SPTB: variants seen among roughly 807,000 people sequenced by gnomAD.
SPTB encodes spectrin beta, erythrocytic.
In SPTB, 45 loss-of-function variants were observed where a neutral mutation model predicts 256.2. That is an observed-to-expected ratio of 0.18 (90% CI 0.14 to 0.23). The LOEUF is 0.23. Among genes scored for constraint, SPTB ranks in the 10% least tolerant of loss-of-function variants. The pLI, the probability that SPTB is intolerant of heterozygous loss-of-function variation, is 1.00. For missense variants in SPTB, 2,715 were observed against 3,040.4 expected (o/e 0.89, Z 2.52); for synonymous variants, 1,231 against 1,243.1 (o/e 0.99, Z 0.21).
chr14:64,816,110 C>A lies in SPTB; in HGVS notation c.148+6837G>T, dbSNP rs1024532279. Among the ~76,000 whole-genome samples the A allele has an allele frequency of 6.6e-6, 1 of 152,124 alleles. No homozygotes were observed. Among genetic ancestry groups the A allele is most frequent in the African/African-American group, 2.4e-5 (1 of 41,410 alleles). On this transcript the variant is annotated intron_variant, in intron 2 of 35. Transcript: ENST00000644917. The surrounding 1 kb of genome is among the most constrained non-coding windows in gnomAD (Gnocchi z 4.2). ...CGAGCCCTAAAAACCCAAATCTAAC[C>A]GTGTCATTTCCCTGCTGAAAGTACT...
In SPTB at chr14:64,779,773, T is replaced by C. The variant is rs1331309935; in HGVS notation, c.4425A>G (p.Glu1475=). 6.2e-7 allele frequency: 1 copy of C among 1,614,144 alleles called. No homozygotes were observed. The change falls in exon 21 of 36, where the codon GAA becomes GAG. Residue 1475 remains glutamate, a synonymous_variant. Coordinates refer to ENST00000644917, the MANE Select transcript of SPTB (RefSeq NM_001355436.2). This position sits in a 1 kb window ranked among gnomAD's most constrained non-coding sequence, Gnocchi z 4.2. ...TGATCTGCAGCTTGGCTCTGGATGA[T>C]TCCAGCTGCTTCTTCCTCCTTCCTA... ...EPLGRRKKQL[E]SSRAKLQISR...
intron 1 of SPTB, among the ~76,000 whole-genome samples, chr14:64,832,395 C>T (rs183784326): frequency 6.6e-4 from 100 of 152,308 alleles, no homozygotes; most frequent in East Asian, 3.3e-3. Flanking sequence ...AACTTTGTGG[C>T]CCTTCCTCCT....
chr14:64,749,736 G>A lies in SPTB; in HGVS notation c.6777-40C>T, dbSNP rs1386790389. 1.2e-6 allele frequency: 2 copies of A among 1,608,014 alleles called. No individual in the cohort carries two copies. Among genetic ancestry groups the A allele is most frequent in the Admixed American group, 1.7e-5 (1 of 59,174 alleles). ...GGTTTCCTGTCATGGAGACACCTCTGGAGGGGGCGCTGGGCAGAGGGCTGG... is the reference window on the plus strand; with the variant it reads ...GGTTTCCTGTCATGGAGACACCTCTAGAGGGGGCGCTGGGCAGAGGGCTGG... On this transcript the variant is annotated intron_variant, in intron 34 of 35. Transcript: ENST00000644917. The surrounding 1 kb of genome is among the most constrained non-coding windows in gnomAD (Gnocchi z 4.7).
chr14:64,854,511 C>T (rs1040351428), intron 1 of SPTB, among the ~76,000 whole-genome samples: 31 of 151,976 alleles, frequency 2.0e-4, no homozygotes, highest in Admixed American at 6.5e-4. Context: ...ATCTCCTGAC[C>T]TCATGATCCG....
In SPTB at chr14:64,774,370, C is replaced by A. The variant is rs772370094; in HGVS notation, c.4973+27G>T. On this transcript the variant is annotated intron_variant, in intron 24 of 35. Transcript: ENST00000644917. ...CCCTGGCTCAATCCCCATCTCCTGA[C>A]CGAGTCACCACAGGGGGCGCACGCA... The A allele has an allele frequency of 1.3e-6, 2 of 1,578,022 alleles. 1 individual carries two copies. The highest frequency in any genetic ancestry group is 2.3e-5 in the South Asian group (2 of 86,792).
chr14:64,784,485 G>A (rs2082527852), intron 18 of SPTB, 92 bp from the exon 19 acceptor site: 7 of 1,524,412 alleles, frequency 4.6e-6, no homozygotes, highest in Non-Finnish European at 5.4e-6. Flanking sequence ...GAAGGAGAAG[G>A]CCATGGGGAG....
At chr14:64,810,271 G>A (rs1002432515) in intron 2 of SPTB, among the ~76,000 whole-genome samples, 4 of 152,150 alleles carry the variant, frequency 2.6e-5, no homozygotes, top group African/African-American at 9.7e-5. Flanking sequence ...TCAATAAGGA[G>A]TATTGGCAAA....
rs1216827531 is a variant in SPTB, at chr14:64,746,471, T to TCCAAGCCA, written c.*2827_*2834dup. 1.3e-5 allele frequency: 2 copies of TCCAAGCCA among 152,716 alleles called. No homozygotes were observed. Among genetic ancestry groups the TCCAAGCCA allele is most frequent in the Non-Finnish European group, 2.9e-5 (2 of 68,136 alleles). The allele number at this position is 152,716 out of a possible 1,614,324, so 9.5% of individuals were successfully genotyped here. On this transcript the variant is annotated 3_prime_UTR_variant, in exon 36 of 36. Coordinates refer to ENST00000644917, the MANE Select transcript of SPTB (RefSeq NM_001355436.2). This position sits in a 1 kb window ranked among gnomAD's most constrained non-coding sequence, Gnocchi z 4.9. ...CTCATTTCCTCCCTGAGCTTGTTTGTCCAAGCCACCAAGCCATGTGGTCCC... is the reference window on the plus strand; with the variant it reads ...CTCATTTCCTCCCTGAGCTTGTTTGTCCAAGCCACCAAGCCACCAAGCCATGTGGTCCC...
chr14:64,837,758 G>A (rs1566795360), intron 1 of SPTB, among the ~76,000 whole-genome samples: 1 of 152,010 alleles, frequency 6.6e-6, no homozygotes. Flanking sequence ...CTGTCACCAC[G>A]CCCGGCTAAT....
chr14:64,795,301 C>T lies in SPTB; in HGVS notation c.1644+36G>A. ...GGGCCACTGAGACCCAAGGTGAGCACTGCAGGGCATGGCGGGGGCGGCCCC... is the reference window on the plus strand; with the variant it reads ...GGGCCACTGAGACCCAAGGTGAGCATTGCAGGGCATGGCGGGGGCGGCCCC... On this transcript the variant is annotated intron_variant, in intron 12 of 35. Coordinates refer to ENST00000644917, the MANE Select transcript of SPTB (RefSeq NM_001355436.2). This position sits in a 1 kb window ranked among gnomAD's most constrained non-coding sequence, Gnocchi z 6.5. The T allele has an allele frequency of 3.1e-6, 5 of 1,603,402 alleles. No individual in the cohort carries two copies. In the South Asian group the frequency reaches 3.3e-5, roughly 11 times the overall value.
chr14:64,765,570 G>A (rs1201700150), intron 32 of SPTB, among the ~76,000 whole-genome samples: 2 of 152,158 alleles, frequency 1.3e-5, no homozygotes, highest in Non-Finnish European at 2.9e-5. Flanking sequence ...GCTGACCTCT[G>A]TTACTCAAAG....
intron 22 of SPTB, among the ~76,000 whole-genome samples, chr14:64,776,120 G>A (rs2082352353): frequency 6.6e-6 from 1 of 152,104 alleles, no homozygotes; most frequent in African/African-American, 2.4e-5. Context: ...GCTGCTGCTG[G>A]TGTGTGGGCT....
chr14:64,778,423 G>A lies in SPTB; in HGVS notation c.4563+734C>T, dbSNP rs1311893536. ...TGACCCAGAGAGCATGCAGAGGGAG[G>A]GTCTCTCTGTCCAAGAAGGGTCTGT... is the stretch of plus-strand genomic sequence containing the variant. On this transcript the variant is annotated intron_variant, in intron 22 of 35. Transcript: ENST00000644917. This position sits in a 1 kb window ranked among gnomAD's most constrained non-coding sequence, Gnocchi z 5.2. 6.6e-6 allele frequency among the ~76,000 whole-genome samples: 1 copy of A among 152,108 alleles called. No homozygotes were observed. The highest frequency in any genetic ancestry group is 6.5e-5 in the Admixed American group (1 of 15,274).
rs1466520411 is a variant in SPTB, at chr14:64,825,051, A to T, written c.-51-1906T>A. On this transcript the variant is annotated intron_variant, in intron 1 of 35. Coordinates refer to ENST00000644917, the MANE Select transcript of SPTB (RefSeq NM_001355436.2). The surrounding 1 kb of genome is among the most constrained non-coding windows in gnomAD (Gnocchi z 4.8). ...TATCCCCCTTGACCAGACGGGTTTC[A>T]GGAGGGCAGGTGGGGAAAGGACTGG... Among the ~76,000 whole-genome samples the T allele has an allele frequency of 6.6e-6, 1 of 152,034 alleles. No individual in the cohort carries two copies. Among genetic ancestry groups the T allele is most frequent in the Non-Finnish European group, 1.5e-5 (1 of 68,004 alleles).
Position 64,866,617 on chromosome 14 carries a change from T to C in SPTB, c.-52+13175A>G, listed in dbSNP as rs1237178250. Among the ~76,000 whole-genome samples, 5 of 151,976 alleles carry C rather than the reference T, an allele frequency of 3.3e-5. No homozygotes were observed. The highest frequency in any genetic ancestry group is 7.4e-5 in the Non-Finnish European group (5 of 68,010). Reference sequence around the variant, plus strand: ...GCGGCTGGATTGCAGTGGGAGTGCATCCATGACAGAGAGTTTTGTTGAAAG... The same window carrying C: ...GCGGCTGGATTGCAGTGGGAGTGCACCCATGACAGAGAGTTTTGTTGAAAG... On this transcript the variant is annotated intron_variant, in intron 1 of 35. Coordinates refer to ENST00000644917, the MANE Select transcript of SPTB (RefSeq NM_001355436.2). This position sits in a 1 kb window ranked among gnomAD's most constrained non-coding sequence, Gnocchi z 4.6.
Position 64,774,510 on chromosome 14 carries a change from A to G in SPTB, c.4860T>C (p.Ile1620=), listed in dbSNP as rs229592. ...GCCGCAAATGTCGCTTCAGCATCAC[A>G]ATGGCGCCCTCTTCATCCTAGGAGG... ...DEIPKDEEGA[I]VMLKRHLRQQ... The change falls in exon 24 of 36, where the codon ATT becomes ATC. Residue 1620 remains isoleucine (I), a synonymous_variant. Transcript: ENST00000644917. 0.28 allele frequency: 440,486 copies of G among 1,553,578 alleles called. 73,904 individuals carry two copies. The highest frequency in any genetic ancestry group is 0.76 in the African/African-American group (55,796 of 73,212).
Position 64,753,308 on chromosome 14 carries a change from T to C in SPTB, c.6602+229A>G, listed in dbSNP as rs184973483. Among the ~76,000 whole-genome samples the C allele has an allele frequency of 1.1e-3, 171 of 152,302 alleles. 1 individual carries two copies. The highest frequency in any genetic ancestry group is 9.5e-3 in the South Asian group (46 of 4,826). ...AACCGATTTAAAGAGGTTGAGTAAC[T>C]TGCATGAAGACACAGGATTTGAATT... On this transcript the variant is annotated intron_variant, in intron 33 of 35. Coordinates refer to ENST00000644917, the MANE Select transcript of SPTB (RefSeq NM_001355436.2).
chr14:64,862,482 A>G (rs1310897682), intron 1 of SPTB, among the ~76,000 whole-genome samples: 1 of 152,112 alleles, frequency 6.6e-6, no homozygotes, highest in Non-Finnish European at 1.5e-5. Context: ...GTGAGACCCC[A>G]TCTCTGTAAA....
rs1260101745 is a variant in SPTB, at chr14:64,845,769, AG to A, written c.-51-22625del. On this transcript the variant is annotated intron_variant, in intron 1 of 35. Transcript: ENST00000644917. This position sits in a 1 kb window ranked among gnomAD's most constrained non-coding sequence, Gnocchi z 4.8. Reference sequence around the variant, plus strand: ...AATGAGTTCTGCCATGGGCTCGCCTAGTCTCTTCATTGTTGAGTCAAATTAT... The same window carrying A: ...AATGAGTTCTGCCATGGGCTCGCCTATCTCTTCATTGTTGAGTCAAATTAT... 3.3e-5 allele frequency among the ~76,000 whole-genome samples: 5 copies of A among 152,152 alleles called. No individual in the cohort carries two copies. The highest frequency in any genetic ancestry group is 1.2e-4 in the African/African-American group (5 of 41,442).
Sources: allele counts gnomAD v4.1 joint callset (sites outside exome capture counted in the v4.1 genomes callset), GRCh38; gene constraint gnomAD v4.1.1; non-coding constraint Gnocchi (gnomAD v3.1); transcripts MANE v1.5; gene names NCBI Gene and HGNC (gene_info 2026-07-23, HGNC 2026-07-21).